SASH1: variants seen among roughly 807,000 people sequenced by gnomAD.
The protein encoded by SASH1 is SAM and SH3 domain containing 1, also known as SAM and SH3 domain-containing protein 1.
SASH1 carries 44 observed loss-of-function variants against 125.2 expected under a neutral mutation model. The ratio of observed to expected loss-of-function variants is 0.35; its 90% CI spans 0.28 to 0.45. SASH1 has a LOEUF of 0.45. Among genes scored for constraint, SASH1 ranks in the 20% least tolerant of loss-of-function variants. SASH1 has a pLI of 1.00. For missense variants in SASH1, 1,426 were observed against 1,614.5 expected (o/e 0.88, Z 2.00); for synonymous variants, 639 against 649.1 (o/e 0.98, Z 0.24).
chr6:148,485,857 T>C (rs1377391876), intron 7 of SASH1, among the ~76,000 whole-genome samples: 1 of 152,218 alleles, frequency 6.6e-6, no homozygotes, highest in East Asian at 1.9e-4. Context: ...TTCAATTATT[T>C]CTGTTTTTAA....
intron 2 of SASH1, among the ~76,000 whole-genome samples, chr6:148,397,849 C>T (rs1474930406): frequency 6.6e-6 from 1 of 152,170 alleles, no homozygotes; most frequent in Non-Finnish European, 1.5e-5. Context: ...TTTTGCCTTT[C>T]CAGAATCACA....
rs2272998 is a variant in SASH1 at position 148,440,320 on chromosome 6, G to C, written c.337-38G>C. On this transcript the variant is annotated intron_variant, in intron 3 of 19. Transcript: ENST00000367467. Reference sequence around the variant, plus strand: ...CTGTACAAATCAGATGAAGCCTGCTGCTCTGACCACACTGACTATACGAAT... The same window carrying C: ...CTGTACAAATCAGATGAAGCCTGCTCCTCTGACCACACTGACTATACGAAT... The C allele has an allele frequency of 0.42, 678,266 of 1,611,128 alleles. 146,131 individuals are homozygous for C. Among genetic ancestry groups the C allele is most frequent in the South Asian group, 0.66 (60,382 of 90,998 alleles).
intron 1 of SASH1, among the ~76,000 whole-genome samples, chr6:148,372,354 C>G (rs142844121): frequency 6.6e-6 from 1 of 152,144 alleles, no homozygotes; most frequent in Non-Finnish European, 1.5e-5. Flanking sequence ...TTAGAACTGA[C>G]GCCTCTTAGG....
intron 8 of SASH1, among the ~76,000 whole-genome samples, chr6:148,498,227 AAAC>A (rs1166557266): frequency 4.1e-4 from 26 of 64,130 alleles, no homozygotes; most frequent in Admixed American, 1.1e-3. Flanking sequence ...CTACAAAAAC[AAAC>A]AAACAAAAAA....
At chr6:148,350,003 G>A (rs1019236953) in intron 1 of SASH1, among the ~76,000 whole-genome samples, 15 of 151,914 alleles carry the variant, frequency 9.9e-5, no homozygotes, top group African/African-American at 2.2e-4. Flanking sequence ...CTGCCACCAC[G>A]CCCGGCTAAT....
chr6:148,441,926 T>C (rs1471056670), intron 4 of SASH1, among the ~76,000 whole-genome samples: 2 of 152,190 alleles, frequency 1.3e-5, no homozygotes, highest in Non-Finnish European at 2.9e-5. Flanking sequence ...ACGCCCACTG[T>C]CTCCATTTGT....
chr6:148,534,223 G>T (rs143295706), intron 15 of SASH1, among the ~76,000 whole-genome samples: 295 of 152,326 alleles, frequency 1.9e-3, no homozygotes, highest in African/African-American at 6.8e-3. Flanking sequence ...AAACCTTGCT[G>T]CTGGAAGAGC....
At chr6:148,527,667 G>T (rs1781264578) in intron 12 of SASH1, 71 bp downstream of exon 12, 2 of 1,446,156 alleles carry the variant, frequency 1.4e-6, no homozygotes, top group South Asian at 1.2e-5. Context: ...GCCCTTCTGA[G>T]ATTTTAAATG....
intron 2 of SASH1, among the ~76,000 whole-genome samples, chr6:148,412,737 A>T (rs1012679835): frequency 6.6e-6 from 1 of 151,702 alleles, no homozygotes; most frequent in African/African-American, 2.4e-5. Context: ...TGACCCAAAC[A>T]CCCCCGACCA....
chr6:148,244,826 C>A, the SASH1 span, among the ~76,000 whole-genome samples: 1 of 152,014 alleles, frequency 6.6e-6, no homozygotes, highest in Non-Finnish European at 1.5e-5. Flanking sequence ...CTTGCTTTGC[C>A]TGGCTGTAAG....
chr6:148,319,809 C>T (rs1002547444), intron 1 of SASH1, among the ~76,000 whole-genome samples: 1 of 152,132 alleles, frequency 6.6e-6, no homozygotes, highest in Non-Finnish European at 1.5e-5. Flanking sequence ...CCACCGCACC[C>T]GGCCCGATGT....
At chr6:148,194,882 G>T in the SASH1 span, among the ~76,000 whole-genome samples, 6 of 152,200 alleles carry the variant, frequency 3.9e-5, no homozygotes, top group South Asian at 2.1e-4. Flanking sequence ...CTCCAGCCTG[G>T]GCGACAGAGC....
chr6:148,508,491 C>A, intron 8 of SASH1: 1 of 1,005,250 alleles, frequency 9.9e-7, no homozygotes, highest in African/African-American at 1.7e-5. Context: ...GGTCAGGGAG[C>A]CTTCCTCAGT....
chr6:148,459,348 G>A (rs1777510392), intron 4 of SASH1, among the ~76,000 whole-genome samples: 1 of 152,176 alleles, frequency 6.6e-6, no homozygotes, highest in Non-Finnish European at 1.5e-5. Flanking sequence ...CACTTGGATA[G>A]TCCTGGCCTT....
chr6:148,386,532 C>T (rs1487003407), intron 1 of SASH1, among the ~76,000 whole-genome samples: 1 of 152,144 alleles, frequency 6.6e-6, no homozygotes, highest in African/African-American at 2.4e-5. Flanking sequence ...ACCAGAAAGC[C>T]ACAGGGTAGT....
chr6:148,407,707 A>G (rs112742402), intron 2 of SASH1, among the ~76,000 whole-genome samples: 21,998 of 152,176 alleles, frequency 0.14, 1,890 homozygotes, highest in Non-Finnish European at 0.2. Context: ...GTCTCGGCTC[A>G]CTGCAACCTC....
the SASH1 span, among the ~76,000 whole-genome samples, chr6:148,245,865 T>A: frequency 2.6e-5 from 4 of 151,730 alleles, no homozygotes; most frequent in African/African-American, 9.7e-5. Context: ...GGTGGGCGCC[T>A]GTAGTCCCAG....
At chr6:148,413,281 G>A (rs561233636) in intron 2 of SASH1, among the ~76,000 whole-genome samples, 19 of 152,288 alleles carry the variant, frequency 1.2e-4, no homozygotes, top group Admixed American at 1.0e-3. Flanking sequence ...CTTGGGAGGA[G>A]GAAGAGCAGT....
At chr6:148,516,644 A>G (rs764710010) in intron 9 of SASH1, among the ~76,000 whole-genome samples, 10 of 151,964 alleles carry the variant, frequency 6.6e-5, no homozygotes, top group Middle Eastern at 3.2e-3. Flanking sequence ...AACACTTTAG[A>G]TTTTATATTC....
Sources: gnomAD v4.1 joint callset for allele counts (sites outside exome capture counted in the v4.1 genomes callset) on GRCh38, gnomAD v4.1.1 for gene constraint, MANE v1.5 for transcripts, NCBI Gene and HGNC (gene_info 2026-07-23, HGNC 2026-07-21) for gene names.